STK39: variants seen among roughly 807,000 people sequenced by gnomAD.
The protein encoded by STK39 is STE20/SPS1-related proline-alanine-rich protein kinase.
STK39 carries 20 observed loss-of-function variants against 77.8 expected under a neutral mutation model. The observed-to-expected ratio is 0.26, with a 90% confidence interval of 0.18 to 0.37. The LOEUF is 0.37. Among genes scored for constraint, STK39 ranks in the 10% least tolerant of loss-of-function variants. STK39 has a pLI of 1.00. For synonymous variants in STK39, 246 were observed against 234.1 expected (o/e 1.05, Z -0.47); for missense variants, 479 against 656.5 (o/e 0.73, Z 2.95).
At chr2:168,232,027 A>C (rs368397978) in intron 1 of STK39, 37 of 244,998 alleles carry the variant, frequency 1.5e-4, no homozygotes, top group African/African-American at 7.6e-4. Flanking sequence ...TGGATGGTGC[A>C]CTCCTTACAA....
intron 10 of STK39, among the ~76,000 whole-genome samples, chr2:168,126,813 T>C (rs903981814): frequency 1.3e-5 from 2 of 152,104 alleles, no homozygotes; most frequent in African/African-American, 2.4e-5. Context: ...TCATTAAAAT[T>C]AGAATTATGA....
intron 14 of STK39, among the ~76,000 whole-genome samples, chr2:168,061,382 G>C (rs972143115): frequency 5.3e-5 from 8 of 152,100 alleles, no homozygotes; most frequent in African/African-American, 1.9e-4. Flanking sequence ...GATCAAATAG[G>C]TTTTAGATTA....
chr2:168,211,865 T>C (rs1199825817), intron 1 of STK39, among the ~76,000 whole-genome samples: 2 of 152,214 alleles, frequency 1.3e-5, no homozygotes, highest in Non-Finnish European at 2.9e-5. Flanking sequence ...CACTCACTGG[T>C]TCTCTTATTA....
intron 2 of STK39, among the ~76,000 whole-genome samples, chr2:168,170,381 A>C (rs1177269962): frequency 2.0e-5 from 3 of 152,194 alleles, no homozygotes; most frequent in African/African-American, 7.2e-5. Flanking sequence ...AAATATAAAA[A>C]TGTTTTAGCT....
At chr2:168,023,471 ATTGAAGTATATATT>A (rs1684621493) in intron 14 of STK39, among the ~76,000 whole-genome samples, 1 of 152,132 alleles carries the variant, frequency 6.6e-6, no homozygotes, top group African/African-American at 2.4e-5. Context: ...GGCAGGTGCG[ATTGAAGTATATATT>A]TTACAGGATG....
At chr2:168,234,513 A>C (rs532227904) in intron 1 of STK39, among the ~76,000 whole-genome samples, 3 of 152,130 alleles carry the variant, frequency 2.0e-5, no homozygotes, top group Non-Finnish European at 4.4e-5. Context: ...CCTCTCTCCA[A>C]CTAATGATCA....
intron 8 of STK39, among the ~76,000 whole-genome samples, chr2:168,133,872 T>C (rs138814839): frequency 6.6e-6 from 1 of 150,458 alleles, no homozygotes; most frequent in African/African-American, 2.4e-5. Flanking sequence ...AAAAAGAAAA[T>C]GACAGAGGGA....
At position 168,120,769 on chromosome 2, in the gene STK39, T is replaced by C. The variant is rs370649013; in HGVS notation, c.1089+8772A>G. 2.0e-4 allele frequency among the ~76,000 whole-genome samples: 30 copies of C among 152,342 alleles called. No individual in the cohort carries two copies. In the East Asian group the frequency reaches 4.4e-3, roughly 23 times the overall value. ...TTAGTCCTCCCAAACATAGCTATTA[T>C]TACCATTACCACTTCATGAGTGAGA... On this transcript the variant is annotated intron_variant, in intron 10 of 17. Transcript: ENST00000355999.
rs536862601 is a variant in STK39 at position 168,081,349 on chromosome 2, T to C, written c.1090-6118A>G. ...TGAGACATGGAGTCAAAGGAGATCA[T>C]TTTGGAGCTTTAAGATTTGACTGCC... is the stretch of plus-strand genomic sequence containing the variant. On this transcript the variant is annotated intron_variant, in intron 10 of 17. Coordinates refer to ENST00000355999, the MANE Select transcript of STK39 (RefSeq NM_013233.3). Among the ~76,000 whole-genome samples the C allele has an allele frequency of 3.9e-5, 6 of 152,254 alleles. No homozygotes were observed. The East Asian group carries it at 1.2e-3, about 29-fold the overall frequency.
chr2:168,048,641 A>C (rs1327640963), intron 14 of STK39, among the ~76,000 whole-genome samples: 2 of 152,164 alleles, frequency 1.3e-5, no homozygotes, highest in Non-Finnish European at 2.9e-5. Flanking sequence ...TGGGTAAATG[A>C]AACCTGCTAG....
At chr2:168,016,917 A>C (rs970200302) in intron 15 of STK39, 126 bp downstream of exon 15, 15 of 661,190 alleles carry the variant, frequency 2.3e-5, no homozygotes, top group Non-Finnish European at 3.4e-5. Context: ...CCTTCTGTCT[A>C]TCTCTCCTTC....
At position 168,216,923 on chromosome 2, in the gene STK39, G is replaced by C. The variant is rs536023803; in HGVS notation, c.208+30305C>G. 2.0e-4 allele frequency among the ~76,000 whole-genome samples: 30 copies of C among 152,270 alleles called. No individual in the cohort carries two copies. The South Asian group carries it at 3.3e-3, about 17-fold the overall frequency. ...ACCCAACCAACCCGCTAGGAACAAG[G>C]CTTTTTTAAAAGCCAGCCCAGGAGC... is the stretch of plus-strand genomic sequence containing the variant. On this transcript the variant is annotated intron_variant, in intron 1 of 17. Coordinates refer to ENST00000355999, the MANE Select transcript of STK39 (RefSeq NM_013233.3).
At chr2:168,068,464 G>C (rs1207504992) in intron 12 of STK39, among the ~76,000 whole-genome samples, 2 of 152,162 alleles carry the variant, frequency 1.3e-5, no homozygotes, top group Non-Finnish European at 2.9e-5. Flanking sequence ...AGGCAAACTA[G>C]TGACATGGGA....
At chr2:168,178,685 G>T (rs1467571374) in intron 2 of STK39, among the ~76,000 whole-genome samples, 1 of 152,108 alleles carries the variant, frequency 6.6e-6, no homozygotes, top group Non-Finnish European at 1.5e-5. Flanking sequence ...TAGCACCAAT[G>T]AGCTCATCTA....
At chr2:168,069,861 G>A (rs955434082) in intron 12 of STK39, among the ~76,000 whole-genome samples, 2 of 152,146 alleles carry the variant, frequency 1.3e-5, no homozygotes, top group African/African-American at 4.8e-5. Context: ...ACCTAACTGA[G>A]ATGCTACTAT....
intron 1 of STK39, among the ~76,000 whole-genome samples, chr2:168,209,598 T>C (rs1196047788): frequency 6.6e-6 from 1 of 152,148 alleles, no homozygotes; most frequent in Admixed American, 6.6e-5. Flanking sequence ...AAGAATCACT[T>C]GAACCCAGGA....
intron 16 of STK39, among the ~76,000 whole-genome samples, chr2:167,991,941 C>G (rs543900015): frequency 6.6e-6 from 1 of 152,248 alleles, no homozygotes; most frequent in South Asian, 2.1e-4. Context: ...AGCTGTAGAG[C>G]CTTACATCTA....
chr2:168,124,958 T>G (rs1574484997), intron 10 of STK39, among the ~76,000 whole-genome samples: 1 of 151,430 alleles, frequency 6.6e-6, no homozygotes, highest in South Asian at 2.1e-4. Flanking sequence ...GAACATCACA[T>G]ACTGGGGTCT....
At chr2:168,174,743 T>G (rs992521741) in intron 2 of STK39, among the ~76,000 whole-genome samples, 2 of 148,362 alleles carry the variant, frequency 1.3e-5, no homozygotes, top group Admixed American at 1.4e-4. Flanking sequence ...GCACCTGTAA[T>G]GACAACTACT....
Sources: allele counts gnomAD v4.1 joint callset (sites outside exome capture counted in the v4.1 genomes callset), GRCh38; gene constraint gnomAD v4.1.1; transcripts MANE v1.5; gene names NCBI Gene and HGNC (gene_info 2026-07-23, HGNC 2026-07-21).